Variants in CFAP70 observed in about 807,000 individuals in gnomAD.
The protein encoded by CFAP70 is cilia and flagella associated protein 70, also known as cilia- and flagella-associated protein 70.
In CFAP70, 81 loss-of-function variants were observed where a neutral mutation model predicts 137.6. The observed-to-expected ratio is 0.59, with a 90% confidence interval of 0.49 to 0.71. CFAP70 has a LOEUF of 0.71. CFAP70 is among the 30% of genes least tolerant of loss of function. The pLI is 0.00. For synonymous variants in CFAP70, 382 were observed against 423.6 expected (o/e 0.90, Z 1.20); for missense variants, 976 against 1,226.7 (o/e 0.80, Z 3.05).
intron 25 of CFAP70, among the ~76,000 whole-genome samples, chr10:73,259,917 C>T (rs917673179): frequency 3.3e-5 from 5 of 151,494 alleles, no homozygotes; most frequent in Non-Finnish European, 5.9e-5. Context: ...GTCCCAGCTA[C>T]TTGGGGGGCT....
intron 3 of CFAP70, among the ~76,000 whole-genome samples, chr10:73,351,204 C>T (rs577573422): frequency 4.1e-5 from 6 of 146,736 alleles, no homozygotes; most frequent in Admixed American, 1.4e-4. Context: ...CTGCAAGCTC[C>T]GCCTCCTGGG....
At chr10:73,327,140 T>C (rs531847867) in intron 8 of CFAP70, among the ~76,000 whole-genome samples, 1 of 147,968 alleles carries the variant, frequency 6.8e-6, no homozygotes, top group East Asian at 2.0e-4. Context: ...TTATCCACCA[T>C]GATCAAGTGG....
At chr10:73,267,425 C>T (rs2045877080) in intron 25 of CFAP70, among the ~76,000 whole-genome samples, 3 of 152,166 alleles carry the variant, frequency 2.0e-5, no homozygotes, top group Admixed American at 6.5e-5. Flanking sequence ...AAAGCCTAAC[C>T]TCTGAGAATT....
chr10:73,304,207 T>C (rs11000593), intron 12 of CFAP70, among the ~76,000 whole-genome samples: 23,300 of 151,836 alleles, frequency 0.15, 2,926 homozygotes, highest in African/African-American at 0.32. Context: ...GCACCCACCA[T>C]CACGCCCGGC....
chr10:73,291,106 C>A, intron 19 of CFAP70, 120 bp downstream of exon 20: 1 of 812,224 alleles, frequency 1.2e-6, no homozygotes, highest in Non-Finnish European at 2.0e-6. Context: ...CCTTGAACTC[C>A]TGGGCTCAAG....
chr10:73,263,167 A>G (rs1228036134), intron 25 of CFAP70, among the ~76,000 whole-genome samples: 1 of 152,170 alleles, frequency 6.6e-6, no homozygotes, highest in Non-Finnish European at 1.5e-5. Context: ...AGTGGTGTGA[A>G]CAGGTCACTG....
intron 14 of CFAP70, among the ~76,000 whole-genome samples, chr10:73,297,539 A>G (rs999539373): frequency 6.6e-6 from 1 of 152,112 alleles, no homozygotes; most frequent in Non-Finnish European, 1.5e-5. Context: ...AGAGAATGGA[A>G]TTCTGGTTCT....
rs1173709381 is a variant in CFAP70, at chr10:73,310,366, A to T, written c.1165-117T>A. The stretch of plus-strand genomic sequence containing the variant: ...GAGAAAACTGCATATATAACTACAT[A>T]TACAGTGTGATCTCAACTGTTAAAA... On this transcript the variant is annotated intron_variant, in intron 11 of 26. Coordinates refer to ENST00000310715, the Ensembl canonical transcript of CFAP70. 9 of 571,184 alleles carry T rather than the reference A, an allele frequency of 1.6e-5. No individual in the cohort carries two copies. In the East Asian group the frequency reaches 2.9e-4, roughly 18 times the overall value. 35.4% of individuals were successfully genotyped at this position (571,184 alleles called of 1,614,324 possible).
chr10:73,293,140 G>A, intron 16 of CFAP70, 123 bp downstream of exon 17: 1 of 1,028,980 alleles, frequency 9.7e-7, no homozygotes, highest in Non-Finnish European at 1.3e-6. Context: ...CCTATTTTTG[G>A]ACTTTATTGT....
At chr10:73,334,069 T>TA (rs1055151326) in intron 7 of CFAP70, among the ~76,000 whole-genome samples, 1 of 152,194 alleles carries the variant, frequency 6.6e-6, no homozygotes, top group Admixed American at 6.5e-5. Flanking sequence ...AAAGCTGTCC[T>TA]AAAAAAACAG....
rs182398589 is a variant in CFAP70, at chr10:73,292,941, A to G, written c.1770+322T>C. 1.6e-4 allele frequency among the ~76,000 whole-genome samples: 24 copies of G among 152,244 alleles called. 1 individual carries two copies. The East Asian group carries it at 3.9e-3, about 24-fold the overall frequency. ...AGATTCTGTCCTATGTTTCTTCTAA[A>G]AGTGTTGTAGTTTTACATCTTACAT... On this transcript the variant is annotated intron_variant, in intron 16 of 26. Coordinates refer to ENST00000310715, the Ensembl canonical transcript of CFAP70.
chr10:73,268,995 G>C (rs552839301), intron 25 of CFAP70, among the ~76,000 whole-genome samples: 1 of 151,908 alleles, frequency 6.6e-6, no homozygotes, highest in South Asian at 2.1e-4. Context: ...CCAGACCTCA[G>C]GTATTTTTAA....
At chr10:73,304,089 T>C (rs1047787570) in intron 12 of CFAP70, among the ~76,000 whole-genome samples, 1 of 152,044 alleles carries the variant, frequency 6.6e-6, no homozygotes, top group Non-Finnish European at 1.5e-5. Flanking sequence ...AGTTTTTTGC[T>C]CTTGTCATCC....
intron 3 of CFAP70, among the ~76,000 whole-genome samples, chr10:73,352,366 G>A (rs1006446918): frequency 6.6e-6 from 1 of 152,184 alleles, no homozygotes; most frequent in Admixed American, 6.5e-5. Context: ...TTCCTACGGT[G>A]TTTGGCTGGA....
intron 12 of CFAP70, among the ~76,000 whole-genome samples, chr10:73,309,658 A>ATTTTTTTTTTT (rs60294953): frequency 1.5e-5 from 2 of 136,452 alleles, no homozygotes. Context: ...TTTCCTAAGA[A>ATTTTTTTTTTT]TTTTTTTTTT....
intron 23 of CFAP70, 133 bp downstream of exon 24, chr10:73,274,300 C>T: frequency 9.6e-7 from 1 of 1,046,160 alleles, no homozygotes; most frequent in Non-Finnish European, 1.3e-6. Flanking sequence ...TGATGTTGGG[C>T]AAGTCACTTT....
chr10:73,255,124 C>T (rs532487172), intron 26 of CFAP70, among the ~76,000 whole-genome samples: 88 of 152,194 alleles, frequency 5.8e-4, no homozygotes, highest in African/African-American at 2.0e-3. Context: ...TTTGGCCAGG[C>T]GTGGTGGCTC....
chr10:73,330,167 C>G (rs1219475085), intron 8 of CFAP70, among the ~76,000 whole-genome samples: 1 of 152,024 alleles, frequency 6.6e-6, no homozygotes, highest in Admixed American at 6.6e-5. Flanking sequence ...AAGTCCTACA[C>G]TTGGCTGGGT....
At chr10:73,299,731 C>T in intron 12 of CFAP70, 66 bp from the exon 14 acceptor site, 1 of 1,313,782 alleles carries the variant, frequency 7.6e-7, no homozygotes, top group Non-Finnish European at 1.0e-6. Flanking sequence ...TGTATATTTT[C>T]TTTTATCTTA....
Sources: gnomAD v4.1 joint callset for allele counts (sites outside exome capture counted in the v4.1 genomes callset) on GRCh38, gnomAD v4.1.1 for gene constraint, MANE v1.5 for transcripts, NCBI Gene and HGNC (gene_info 2026-07-23, HGNC 2026-07-21) for gene names.